Variants in MDGA2 observed in about 807,000 individuals in gnomAD.
The protein encoded by MDGA2 is MAM domain-containing glycosylphosphatidylinositol anchor protein 2.
A neutral mutation model predicts 117.8 loss-of-function variants in MDGA2; 40 were observed. That is an observed-to-expected ratio of 0.34 (90% confidence interval 0.26 to 0.44). The LOEUF (loss-of-function observed/expected upper bound fraction) is 0.44. MDGA2 is among the 20% of genes least tolerant of loss of function. The probability of loss-of-function intolerance (pLI) is 1.00; values close to 1 mark genes in which losing one functional copy is unlikely to be tolerated. For synonymous variants in MDGA2, 452 were observed against 439.0 expected, an observed-to-expected ratio of 1.03 and a Z score of -0.37; for missense variants, 1,123 against 1,250.6, an observed-to-expected ratio of 0.90 and a Z score of 1.54.
intron 2 of MDGA2, among the ~76,000 whole-genome samples, chr14:47,275,585 A>G (rs1379282894): frequency 2.0e-5 from 3 of 152,326 alleles, no homozygotes; most frequent in African/African-American, 7.2e-5. Context: ...CTAAATCTAG[A>G]TAACTGTCAA....
intron 3 of MDGA2, among the ~76,000 whole-genome samples, chr14:47,177,274 C>T (rs1370564778): frequency 1.3e-5 from 2 of 151,930 alleles, no homozygotes; most frequent in African/African-American, 4.8e-5. Context: ...CTAGAAATAC[C>T]ATTTGACCCA....
intron 1 of MDGA2, among the ~76,000 whole-genome samples, chr14:47,429,214 G>T (rs1456713375): frequency 6.6e-6 from 1 of 151,814 alleles, no homozygotes; most frequent in East Asian, 1.9e-4. Flanking sequence ...AACAGGGTGA[G>T]ACTGTCTCAA....
chr14:47,387,131 T>A (rs1891778136), intron 1 of MDGA2, among the ~76,000 whole-genome samples: 1 of 152,272 alleles, frequency 6.6e-6, no homozygotes, highest in South Asian at 2.1e-4. Flanking sequence ...TTAGAATACC[T>A]TACTAGGAAC....
intron 1 of MDGA2, among the ~76,000 whole-genome samples, chr14:47,530,316 T>G (rs1400838278): frequency 2.0e-5 from 3 of 152,330 alleles, no homozygotes; most frequent in African/African-American, 4.8e-5. Context: ...GTTGTCTAGC[T>G]TCACGTCCTG....
chr14:47,476,545 A>T (rs890214672), intron 1 of MDGA2, among the ~76,000 whole-genome samples: 5 of 152,172 alleles, frequency 3.3e-5, no homozygotes, highest in Admixed American at 6.5e-5. Context: ...GAAGAAAAAA[A>T]ATAGAAAACA....
chr14:47,165,969 C>G (rs1228794391), intron 3 of MDGA2, among the ~76,000 whole-genome samples: 1 of 151,090 alleles, frequency 6.6e-6, no homozygotes, highest in African/African-American at 2.4e-5. Flanking sequence ...TTTGAAGGCT[C>G]ATATACACCT....
intron 3 of MDGA2, among the ~76,000 whole-genome samples, chr14:47,211,781 C>T (rs980452549): frequency 6.6e-6 from 1 of 152,142 alleles, no homozygotes; most frequent in African/African-American, 2.4e-5. Flanking sequence ...AATGTAAATC[C>T]TACTTCTTTC....
chr14:46,865,935 A>G (rs1299053791), intron 14 of MDGA2, among the ~76,000 whole-genome samples: 1 of 151,616 alleles, frequency 6.6e-6, no homozygotes. Flanking sequence ...ATGGGTAGGA[A>G]GAATCAATAT....
At chr14:46,973,728 T>C (rs968243380) in intron 8 of MDGA2, among the ~76,000 whole-genome samples, 1 of 152,092 alleles carries the variant, frequency 6.6e-6, no homozygotes, top group Non-Finnish European at 1.5e-5. Flanking sequence ...GCATCCAAAT[T>C]GTAAAGAACA....
chr14:47,667,028 T>C (rs1250450458), intron 1 of MDGA2, among the ~76,000 whole-genome samples: 1 of 152,136 alleles, frequency 6.6e-6, no homozygotes, highest in African/African-American at 2.4e-5. Flanking sequence ...CCGGACACAC[T>C]GCCTTTAAGA....
chr14:47,314,878 G>A lies in MDGA2; in HGVS notation c.281-13328C>T, dbSNP rs77313901. ...AAATGGTATAGTTTATTGACATGAC[G>A]AGAAATCCATAATATATTGCTAAGA... On this transcript the variant is annotated intron_variant, in intron 1 of 16. Transcript: ENST00000399232. 3.3e-5 allele frequency among the ~76,000 whole-genome samples: 5 copies of A among 152,108 alleles called. No homozygotes were observed. The East Asian group carries it at 9.7e-4, about 29-fold the overall frequency.
At chr14:47,171,303 G>GCTTTAATAATATGTTTTT (rs1884122247) in intron 3 of MDGA2, among the ~76,000 whole-genome samples, 1 of 151,656 alleles carries the variant, frequency 6.6e-6, no homozygotes, top group Non-Finnish European at 1.5e-5. Flanking sequence ...ATAATACTAA[G>GCTTTAATAATATGTTTTT]GCCCAAACAT....
chr14:46,975,185 A>G (rs566829366), intron 8 of MDGA2, among the ~76,000 whole-genome samples: 11 of 152,292 alleles, frequency 7.2e-5, no homozygotes, highest in African/African-American at 2.2e-4. Context: ...CTTTTTAAAA[A>G]AAGAAAATAA....
At chr14:47,092,281 A>C (rs1012877218) in intron 6 of MDGA2, among the ~76,000 whole-genome samples, 1 of 152,128 alleles carries the variant, frequency 6.6e-6, no homozygotes, top group African/African-American at 2.4e-5. Context: ...AAATTTGAAA[A>C]TTCCTCTAAT....
chr14:47,258,219 C>T (rs576302908), intron 2 of MDGA2, among the ~76,000 whole-genome samples: 1 of 152,064 alleles, frequency 6.6e-6, no homozygotes, highest in Admixed American at 6.6e-5. Flanking sequence ...AGACTGTCCT[C>T]ATATTGCTAC....
At chr14:47,486,060 T>C (rs960657767) in intron 1 of MDGA2, among the ~76,000 whole-genome samples, 2 of 152,082 alleles carry the variant, frequency 1.3e-5, no homozygotes, top group East Asian at 3.9e-4. Context: ...CCCAGAATGG[T>C]AGATCCACGG....
At chr14:47,464,099 GTACACA>G (rs1368819091) in intron 1 of MDGA2, among the ~76,000 whole-genome samples, 1 of 98,642 alleles carries the variant, frequency 1.0e-5, no homozygotes, top group Non-Finnish European at 2.0e-5. Flanking sequence ...CACTTACTAT[GTACACA>G]CACACACACA....
chr14:47,238,060 A>G (rs1594745896), intron 2 of MDGA2, among the ~76,000 whole-genome samples: 1 of 152,240 alleles, frequency 6.6e-6, no homozygotes, highest in African/African-American at 2.4e-5. Context: ...CCTGAAAGAC[A>G]CCAAGAGTCC....
intron 9 of MDGA2, among the ~76,000 whole-genome samples, chr14:46,942,825 G>C (rs995009970): frequency 6.6e-6 from 1 of 152,076 alleles, no homozygotes; most frequent in African/African-American, 2.4e-5. Context: ...TTTCTAGTTT[G>C]AGGCTATTAC....
Sources: gnomAD v4.1 joint callset for allele counts (sites outside exome capture counted in the v4.1 genomes callset) on GRCh38, gnomAD v4.1.1 for gene constraint, MANE v1.5 for transcripts, NCBI Gene and HGNC (gene_info 2026-07-23, HGNC 2026-07-21) for gene names.